Variants in NOSTRIN observed in about 807,000 individuals in gnomAD.
NOSTRIN encodes BM247 homolog.
Under a neutral mutation model 59.0 loss-of-function variants are expected in NOSTRIN, and 63 were observed. That is an observed-to-expected ratio of 1.07 (90% CI 0.87 to 1.32). NOSTRIN has a LOEUF of 1.32. NOSTRIN is among the 40% of genes most tolerant of loss of function. NOSTRIN has a pLI of 0.00. For synonymous variants in NOSTRIN, 200 were observed against 165.4 expected, an observed-to-expected ratio of 1.21 and a Z score of -1.61; for missense variants, 512 against 473.1, an observed-to-expected ratio of 1.08 and a Z score of -0.76.
At chr2:168,840,482 A>G (rs1688014357) in intron 7 of NOSTRIN, among the ~76,000 whole-genome samples, 1 of 146,964 alleles carries the variant, frequency 6.8e-6, no homozygotes, top group South Asian at 2.2e-4. Flanking sequence ...GTGAGCTGAG[A>G]TCGTGCCACT....
intron 1 of NOSTRIN, among the ~76,000 whole-genome samples, chr2:168,787,230 C>A (rs895567233): frequency 2.6e-5 from 4 of 152,070 alleles, no homozygotes; most frequent in Non-Finnish European, 4.4e-5. Flanking sequence ...AGTGAGGCAG[C>A]CTCCACCCCA....
upstream of NOSTRIN, among the ~76,000 whole-genome samples, chr2:168,796,686 G>T (rs1017625556): frequency 6.6e-5 from 10 of 152,052 alleles, 1 homozygote; most frequent in African/African-American, 1.9e-4. Flanking sequence ...TCTCTAAGTG[G>T]CCCCTTGGGA....
chr2:168,834,488 C>T (rs545548811), intron 7 of NOSTRIN, among the ~76,000 whole-genome samples, 163 bp downstream of exon 7: 59 of 87,388 alleles, frequency 6.8e-4, no homozygotes, highest in African/African-American at 9.1e-4. Context: ...TCATTACTGG[C>T]GTGCGCGCGC....
intron 2 of NOSTRIN, among the ~76,000 whole-genome samples, chr2:168,822,760 C>T (rs774920294): frequency 6.6e-6 from 1 of 152,250 alleles, no homozygotes; most frequent in Non-Finnish European, 1.5e-5. Flanking sequence ...TCCAAAAGAA[C>T]CAAGGGGTTT....
chr2:168,827,856 C>G (rs1687138465), intron 3 of NOSTRIN, among the ~76,000 whole-genome samples: 1 of 151,810 alleles, frequency 6.6e-6, no homozygotes, highest in Admixed American at 6.6e-5. Flanking sequence ...TTTACAGGCA[C>G]TTTAGGAGGC....
chr2:168,835,069 T>C (rs1187689371), intron 7 of NOSTRIN, among the ~76,000 whole-genome samples: 1 of 152,052 alleles, frequency 6.6e-6, no homozygotes, highest in Non-Finnish European at 1.5e-5. Flanking sequence ...TCGAATAGTC[T>C]TCTTGATAAT....
At chr2:168,836,631 C>T (rs112752019) in intron 7 of NOSTRIN, among the ~76,000 whole-genome samples, 3 of 149,744 alleles carry the variant, frequency 2.0e-5, no homozygotes, top group Non-Finnish European at 4.5e-5. Context: ...TCTAAACCTC[C>T]GTTCTCCTCA....
In NOSTRIN at chr2:168,814,801, C is replaced by G. The variant is rs60870015; in HGVS notation, c.113+3149C>G. ...AATAAATGGGCTGGGTGCAGTGGCT[C>G]ATGCCTGTAATCCTAGCATTTTGGG... On this transcript the variant is annotated intron_variant, in intron 2 of 15. Coordinates refer to ENST00000317647, the MANE Select transcript of NOSTRIN (RefSeq NM_001039724.4). Among the ~76,000 whole-genome samples the G allele has an allele frequency of 2.0e-5, 3 of 152,314 alleles. No homozygotes were observed. The East Asian group carries it at 5.8e-4, about 29-fold the overall frequency.
rs59235003 is a variant in NOSTRIN, at chr2:168,840,529, CAAAAAAAAAAAA to C, written c.505-2452_505-2441del. On this transcript the variant is annotated intron_variant, in intron 7 of 15. Coordinates refer to ENST00000317647, the MANE Select transcript of NOSTRIN (RefSeq NM_001039724.4). ...TGGGGGACAGGGCGAGACTCCATCT[CAAAAAAAAAAAA>C]AAAAAAAAAACAAAAAAACAGATAT... 2.2e-4 allele frequency among the ~76,000 whole-genome samples: 22 copies of C among 99,324 alleles called. 1 individual carries two copies. Among genetic ancestry groups the C allele is most frequent in the African/African-American group, 1.4e-4 (4 of 27,824 alleles). The allele number at this position is 99,324 out of a possible 152,430, so 65.2% of individuals were successfully genotyped here. A position where few individuals can be genotyped will look rare whatever the true frequency, so the allele number is the denominator to read the frequency against.
chr2:168,860,368 C>G (rs1689359386), intron 13 of NOSTRIN, among the ~76,000 whole-genome samples: 1 of 152,064 alleles, frequency 6.6e-6, no homozygotes, highest in East Asian at 1.9e-4. Flanking sequence ...TTATTTATAC[C>G]CCTCAGTTTA....
chr2:168,803,699 T>A (rs1685708359), intron 1 of NOSTRIN, among the ~76,000 whole-genome samples: 1 of 152,202 alleles, frequency 6.6e-6, no homozygotes. Flanking sequence ...CTGCCTAATT[T>A]TCCTTTTTTT....
At chr2:168,860,387 C>T (rs1266981817) in intron 13 of NOSTRIN, among the ~76,000 whole-genome samples, 1 of 152,156 alleles carries the variant, frequency 6.6e-6, no homozygotes, top group African/African-American at 2.4e-5. Context: ...TAAAAACTTC[C>T]AGTCCAGGCG....
At chr2:168,802,347 C>A (rs1301622839), upstream of NOSTRIN, 1 of 341,426 alleles carries the variant, frequency 2.9e-6, no homozygotes, top group Non-Finnish European at 5.6e-6. Context: ...CATGTTACAG[C>A]TTCTCTGCCT....
intron 2 of NOSTRIN, among the ~76,000 whole-genome samples, chr2:168,790,834 T>A (rs1274795058): frequency 1.3e-5 from 2 of 152,194 alleles, no homozygotes; most frequent in African/African-American, 4.8e-5. Context: ...TTGGAGAACA[T>A]CCTTGTTTGA....
At chr2:168,846,058 C>T (rs1394756958) in intron 8 of NOSTRIN, among the ~76,000 whole-genome samples, 2 of 152,168 alleles carry the variant, frequency 1.3e-5, no homozygotes, top group Non-Finnish European at 2.9e-5. Flanking sequence ...GTCACTCTTG[C>T]TTCACTTGAA....
rs142731354 is a variant in NOSTRIN, at chr2:168,811,583, A to G, written c.44A>G (p.Lys15Arg). Residue 15 changes from lysine to arginine, a missense_variant, in exon 2 of 16, where the codon AAG becomes AGG. Coordinates refer to ENST00000317647, the MANE Select transcript of NOSTRIN (RefSeq NM_001039724.4). ...LTDCPYNKVY[K>R]NLKEFSQNGE... ...GTTTTTCAGTATAATAAAGTATACA[A>G]GAACCTAAAGGAGTTTTCTCAAAAT... 2.3e-6 allele frequency: 2 copies of G among 858,464 alleles called. No homozygotes were observed. The highest frequency in any genetic ancestry group is 1.6e-5 in the African/African-American group (1 of 60,658). The allele number at this position is 858,464 out of a possible 1,614,324, so 53.2% of individuals were successfully genotyped here. A position where few individuals can be genotyped will look rare whatever the true frequency, so the allele number is the denominator to read the frequency against.
chr2:168,844,435 T>C (rs1186806804), intron 8 of NOSTRIN, among the ~76,000 whole-genome samples: 1 of 152,214 alleles, frequency 6.6e-6, no homozygotes, highest in African/African-American at 2.4e-5. Flanking sequence ...GAGAAAGCCA[T>C]GATCTGATGG....
At chr2:168,801,387 A>T (rs79698442), upstream of NOSTRIN, among the ~76,000 whole-genome samples, 1 of 136,760 alleles carries the variant, frequency 7.3e-6, no homozygotes, top group African/African-American at 2.9e-5. Context: ...CATCCTAATT[A>T]AAAAAAAAAA....
chr2:168,829,222 T>C (rs755074279), intron 5 of NOSTRIN, among the ~76,000 whole-genome samples: 4 of 152,148 alleles, frequency 2.6e-5, no homozygotes, highest in Admixed American at 6.5e-5. Flanking sequence ...CTCTACTCTT[T>C]CTCTGTGCCT....
Sources: gnomAD v4.1 joint callset for allele counts (sites outside exome capture counted in the v4.1 genomes callset) on GRCh38, gnomAD v4.1.1 for gene constraint, MANE v1.5 for transcripts, NCBI Gene and HGNC (gene_info 2026-07-23, HGNC 2026-07-21) for gene names.